Variants in TOX2 observed in about 807,000 individuals in gnomAD.
The protein encoded by TOX2 is TOX high mobility group box family member 2, also known as granulosa cell HMG box 1.
In TOX2, 15 loss-of-function variants were observed where a neutral mutation model predicts 47.4. That is an observed-to-expected ratio of 0.32 (90% confidence interval 0.21 to 0.49). The LOEUF is 0.49. Among genes scored for constraint, TOX2 ranks in the 20% least tolerant of loss-of-function variants. TOX2 has a pLI of 0.99. For missense variants in TOX2, 622 were observed against 673.1 expected, an observed-to-expected ratio of 0.92 and a Z score of 0.84; for synonymous variants, 290 against 296.6, an observed-to-expected ratio of 0.98 and a Z score of 0.23.
At chr20:44,067,808 T>C (rs1423072903) in intron 8 of TOX2, among the ~76,000 whole-genome samples, 4 of 152,122 alleles carry the variant, frequency 2.6e-5, no homozygotes, top group Non-Finnish European at 5.9e-5. Context: ...CCAGCCAGGT[T>C]CCCATTCCCT....
rs140706519 is a variant in TOX2 at position 43,982,140 on chromosome 20, G to A, written c.165+8708G>A. 2.4e-4 allele frequency among the ~76,000 whole-genome samples: 37 copies of A among 152,230 alleles called. No homozygotes were observed. The East Asian group carries it at 6.6e-3, about 27-fold the overall frequency. Reference sequence around the variant, plus strand: ...AGTGCTGGGTGTGGAGGACAGCAGAGAAAAGGAGTGTGGCTTTGTAGATGG... The same window carrying A: ...AGTGCTGGGTGTGGAGGACAGCAGAAAAAAGGAGTGTGGCTTTGTAGATGG... On this transcript the variant is annotated intron_variant, in intron 2 of 8. Transcript: ENST00000341197.
At chr20:44,063,749 C>T (rs112487742) in intron 5 of TOX2, among the ~76,000 whole-genome samples, 1 of 147,504 alleles carries the variant, frequency 6.8e-6, no homozygotes, top group East Asian at 2.0e-4. Flanking sequence ...TATATACACA[C>T]ATATATATGT....
At chr20:43,984,398 A>G (rs1373699763) in intron 2 of TOX2, among the ~76,000 whole-genome samples, 6 of 152,224 alleles carry the variant, frequency 3.9e-5, no homozygotes, top group Non-Finnish European at 8.8e-5. Flanking sequence ...AATTGAGTAT[A>G]TATGTCAGAT....
intron 2 of TOX2, among the ~76,000 whole-genome samples, chr20:43,978,372 A>G (rs1314589482): frequency 1.3e-5 from 2 of 152,130 alleles, no homozygotes; most frequent in Non-Finnish European, 2.9e-5. Context: ...CCCTTCTTCT[A>G]AGAGCCCTCT....
chr20:43,984,356 G>A (rs965448656), intron 2 of TOX2, among the ~76,000 whole-genome samples: 8 of 152,076 alleles, frequency 5.3e-5, no homozygotes, highest in African/African-American at 1.9e-4. Context: ...ATACAAGGAG[G>A]GGGAAAAAGC....
At chr20:44,060,334 A>G (rs780019475) in intron 5 of TOX2, among the ~76,000 whole-genome samples, 2 of 152,344 alleles carry the variant, frequency 1.3e-5, no homozygotes, top group East Asian at 3.9e-4. Flanking sequence ...CACTGACAGC[A>G]CTAGACAGGT....
chr20:44,000,461 G>A (rs963501062), intron 2 of TOX2, among the ~76,000 whole-genome samples: 3 of 152,314 alleles, frequency 2.0e-5, no homozygotes, highest in Non-Finnish European at 2.9e-5. Flanking sequence ...TAGCTGAGGT[G>A]GAGAAGACTG....
intron 1 of TOX2, among the ~76,000 whole-genome samples, chr20:43,944,149 T>C (rs2145357811): frequency 6.6e-6 from 1 of 152,332 alleles, no homozygotes; most frequent in South Asian, 2.1e-4. Context: ...CTTGGATCTA[T>C]GGGTTGTGTG....
intron 3 of TOX2, among the ~76,000 whole-genome samples, chr20:44,017,068 T>C (rs751300118): frequency 4.6e-5 from 7 of 152,234 alleles, no homozygotes; most frequent in Non-Finnish European, 8.8e-5. Context: ...CTGGGCCTTG[T>C]GTCTTTCTCT....
intron 5 of TOX2, among the ~76,000 whole-genome samples, chr20:44,062,419 A>ATACTT (rs2071737780): frequency 6.8e-6 from 1 of 146,700 alleles, no homozygotes. Context: ...AATAAATAAA[A>ATACTT]TACTTAGGAA....
At chr20:44,009,243 C>T (rs139611145) in intron 3 of TOX2, among the ~76,000 whole-genome samples, 1 of 152,158 alleles carries the variant, frequency 6.6e-6, no homozygotes, top group Non-Finnish European at 1.5e-5. Flanking sequence ...ACCAAACTTC[C>T]TTGTTCAAAA....
chr20:43,947,083 G>C (rs1041973410), intron 1 of TOX2, among the ~76,000 whole-genome samples: 3 of 152,210 alleles, frequency 2.0e-5, no homozygotes, highest in Non-Finnish European at 4.4e-5. Flanking sequence ...GCCTGCAGGA[G>C]GCAGTGGGCC....
chr20:44,017,831 C>G (rs1478424217), intron 3 of TOX2, among the ~76,000 whole-genome samples: 1 of 152,092 alleles, frequency 6.6e-6, no homozygotes, highest in Non-Finnish European at 1.5e-5. Context: ...AATGATGGTG[C>G]CAGGAATTGA....
chr20:43,993,151 G>A (rs1331169609), intron 2 of TOX2, among the ~76,000 whole-genome samples: 2 of 152,264 alleles, frequency 1.3e-5, no homozygotes, highest in East Asian at 1.9e-4. Flanking sequence ...AGACTGGGCC[G>A]GATCATGCAG....
At chr20:43,963,573 C>T (rs6103536) in intron 1 of TOX2, among the ~76,000 whole-genome samples, 1 of 152,256 alleles carries the variant, frequency 6.6e-6, no homozygotes. Flanking sequence ...GCTGTGTGGC[C>T]TTAGGCAGAT....
intron 4 of TOX2, 92 bp from the exon 5 acceptor site, chr20:44,054,207 G>T (rs1460434729): frequency 7.4e-7 from 1 of 1,345,714 alleles, no homozygotes; most frequent in Non-Finnish European, 1.0e-6. Flanking sequence ...AGCAGGGCTG[G>T]AGAAGTGCAG....
chr20:43,945,823 T>G (rs2069459716), intron 1 of TOX2: 4 of 1,564,652 alleles, frequency 2.6e-6, no homozygotes, highest in Non-Finnish European at 3.5e-6. Context: ...GTGGGGGTGC[T>G]GGGCCTCCAG....
intron 7 of TOX2, 120 bp from the exon 8 acceptor site, chr20:44,066,610 G>A: frequency 1.4e-6 from 2 of 1,473,558 alleles, no homozygotes; most frequent in Non-Finnish European, 1.9e-6. Flanking sequence ...AGCAGCCCTG[G>A]AGGCAGCATC....
rs369866774 is a variant in TOX2, at chr20:43,933,453, C to T, written c.99+18463C>T. ...AGATTCTGATTCAGTAGGTCTGGGGCGGGTCCAGAGATCTGGCATTTCTAA... is the reference window on the plus strand; with the variant it reads ...AGATTCTGATTCAGTAGGTCTGGGGTGGGTCCAGAGATCTGGCATTTCTAA... On this transcript the variant is annotated intron_variant, in intron 1 of 8. Transcript: ENST00000341197. 1.6e-4 allele frequency among the ~76,000 whole-genome samples: 24 copies of T among 152,250 alleles called. 1 individual carries two copies. The highest frequency in any genetic ancestry group is 4.6e-4 in the Admixed American group (7 of 15,304).
Sources: allele counts gnomAD v4.1 joint callset (sites outside exome capture counted in the v4.1 genomes callset), GRCh38; gene constraint gnomAD v4.1.1; transcripts MANE v1.5; gene names NCBI Gene and HGNC (gene_info 2026-07-23, HGNC 2026-07-21).